The following RALYL variants were observed in gnomAD, a reference collection of about 807,000 sequenced individuals.
RALYL encodes the protein RALY RNA binding protein like.
In RALYL, 29 loss-of-function variants were observed where a neutral mutation model predicts 35.1. That is an observed-to-expected ratio of 0.83 (90% CI 0.61 to 1.13). The LOEUF (loss-of-function observed/expected upper bound fraction) is 1.13, where lower values mean the gene tolerates loss of function less well. RALYL is among the 50% of genes most tolerant of loss of function. The probability of loss-of-function intolerance (pLI) is 0.00; values close to 1 mark genes in which losing one functional copy is unlikely to be tolerated. For missense variants in RALYL, 359 were observed against 360.4 expected, an observed-to-expected ratio of 1.00 and a Z score of 0.03; for synonymous variants, 120 against 127.6, an observed-to-expected ratio of 0.94 and a Z score of 0.40.
chr8:84,424,222 C>T (rs1188868804), intron 1 of RALYL, among the ~76,000 whole-genome samples: 2 of 149,482 alleles, frequency 1.3e-5, no homozygotes, highest in South Asian at 2.1e-4. Flanking sequence ...CACATAGTCC[C>T]ATATTTCTTG....
chr8:84,466,397 T>C (rs1411313674), intron 1 of RALYL, among the ~76,000 whole-genome samples: 1 of 148,350 alleles, frequency 6.7e-6, no homozygotes, highest in East Asian at 2.0e-4. Context: ...TCTATTGAGA[T>C]AATCATGTGG....
intron 1 of RALYL, among the ~76,000 whole-genome samples, chr8:84,426,452 G>GTGTGTGTC (rs2046459616): frequency 6.6e-6 from 1 of 150,444 alleles, no homozygotes; most frequent in African/African-American, 2.4e-5. Context: ...GTGTGTGTGT[G>GTGTGTGTC]TGTGTGTGTG....
chr8:84,730,191 CA>C (rs1845874990), intron 2 of RALYL, among the ~76,000 whole-genome samples: 1 of 152,022 alleles, frequency 6.6e-6, no homozygotes, highest in Admixed American at 6.6e-5. Context: ...CCACCATGAT[CA>C]AGTGGGCTTC....
At chr8:84,532,335 C>T (rs1172498395) in intron 2 of RALYL, among the ~76,000 whole-genome samples, 1 of 151,986 alleles carries the variant, frequency 6.6e-6, no homozygotes, top group African/African-American at 2.4e-5. Flanking sequence ...AGAAGACCCT[C>T]AGTTTGTAGG....
intron 2 of RALYL, among the ~76,000 whole-genome samples, chr8:84,656,361 G>A (rs1829955376): frequency 6.6e-6 from 1 of 151,998 alleles, no homozygotes; most frequent in Non-Finnish European, 1.5e-5. Flanking sequence ...TCTTGAAATA[G>A]GGTTTTCTAC....
chr8:84,438,584 G>A (rs1433391745), intron 1 of RALYL, among the ~76,000 whole-genome samples: 1 of 151,806 alleles, frequency 6.6e-6, no homozygotes. Context: ...TTGAGCCGAG[G>A]TTTTGCCATG....
At chr8:84,606,740 G>A (rs147787583) in intron 2 of RALYL, among the ~76,000 whole-genome samples, 2 of 152,126 alleles carry the variant, frequency 1.3e-5, no homozygotes, top group Non-Finnish European at 2.9e-5. Flanking sequence ...CAATTAGTAG[G>A]TGTAGTCTTG....
At chr8:84,490,528 A>C (rs1189822107) in intron 1 of RALYL, among the ~76,000 whole-genome samples, 1 of 152,012 alleles carries the variant, frequency 6.6e-6, no homozygotes, top group Non-Finnish European at 1.5e-5. Context: ...TTAAATAAGA[A>C]CATAGAGTCA....
chr8:84,323,547 G>A (rs79386292), intron 1 of RALYL, among the ~76,000 whole-genome samples: 5,543 of 152,048 alleles, frequency 0.036, 131 homozygotes, highest in East Asian at 0.13. Context: ...TCATTTCTTG[G>A]TCTAGAGCTG....
chr8:84,393,489 T>C (rs570639354), intron 1 of RALYL, among the ~76,000 whole-genome samples: 1 of 152,186 alleles, frequency 6.6e-6, no homozygotes, highest in African/African-American at 2.4e-5. Context: ...TCAATGACGC[T>C]ATGTACTGTT....
At chr8:84,242,030 T>A (rs1402104965) in intron 1 of RALYL, among the ~76,000 whole-genome samples, 10 of 152,070 alleles carry the variant, frequency 6.6e-5, no homozygotes, top group Non-Finnish European at 4.4e-5. Context: ...CAGGCCCTAG[T>A]GTGTGTTGTT....
At chr8:84,564,873 C>G (rs1364700505) in intron 2 of RALYL, among the ~76,000 whole-genome samples, 1 of 151,472 alleles carries the variant, frequency 6.6e-6, no homozygotes, top group Non-Finnish European at 1.5e-5. Flanking sequence ...TATAAAGATT[C>G]ATATAAAATA....
chr8:84,514,090 TAAA>T lies in RALYL; in HGVS notation c.-23-15186_-23-15184del, dbSNP rs57881021. The stretch of plus-strand genomic sequence containing the variant: ...GCCTGGGTGACAGTGAGATTTCATC[TAAA>T]AAAAAAAAAAAAAAAAAAAAAAGAA... On this transcript the variant is annotated intron_variant, in intron 1 of 8. Coordinates refer to ENST00000521268, the MANE Select transcript of RALYL (RefSeq NM_173848.7). 5.0e-3 allele frequency among the ~76,000 whole-genome samples: 205 copies of T among 41,140 alleles called. 1 individual carries two copies. The highest frequency in any genetic ancestry group is 0.015 in the African/African-American group (199 of 12,850). 27.0% of individuals were successfully genotyped at this position (41,140 alleles called of 152,430 possible). A position where few individuals can be genotyped will look rare whatever the true frequency, so the allele number is the denominator to read the frequency against.
rs932033436 is a variant in RALYL, at chr8:84,366,254, T to C, written c.-23-163045T>C. On this transcript the variant is annotated intron_variant, in intron 1 of 8. Transcript: ENST00000521268. ...AAATGACTAATGAGCACTAACGCCA[T>C]TAAAACGTTGTATGACCTAAGAGGG... Among the ~76,000 whole-genome samples the C allele has an allele frequency of 2.0e-5, 3 of 152,164 alleles. No homozygotes were observed. In the East Asian group the frequency reaches 5.8e-4, roughly 29 times the overall value.
At chr8:84,885,211 T>A (rs920136425) in intron 7 of RALYL, among the ~76,000 whole-genome samples, 5 of 152,036 alleles carry the variant, frequency 3.3e-5, no homozygotes, top group African/African-American at 1.2e-4. Context: ...AACCTAGAAA[T>A]CTTCAGTAAG....
intron 2 of RALYL, among the ~76,000 whole-genome samples, chr8:84,721,643 G>A (rs908571631): frequency 2.6e-5 from 4 of 151,984 alleles, no homozygotes; most frequent in Non-Finnish European, 4.4e-5. Flanking sequence ...CCACAGATTT[G>A]TAGCCATTAA....
chr8:84,869,969 C>T (rs1839897806), intron 6 of RALYL, among the ~76,000 whole-genome samples: 2 of 152,014 alleles, frequency 1.3e-5, no homozygotes, highest in South Asian at 4.1e-4. Context: ...AATCAATGAA[C>T]TCTATAGAGA....
At chr8:84,673,880 T>C (rs940843274) in intron 2 of RALYL, among the ~76,000 whole-genome samples, 7 of 152,206 alleles carry the variant, frequency 4.6e-5, no homozygotes, top group African/African-American at 1.7e-4. Context: ...TAGTTTCATA[T>C]GGATTTTAAA....
At chr8:84,598,371 TAGA>T (rs1189110134) in intron 2 of RALYL, among the ~76,000 whole-genome samples, 4 of 152,078 alleles carry the variant, frequency 2.6e-5, no homozygotes, top group African/African-American at 9.7e-5. Context: ...CTCATTTCTG[TAGA>T]AGGAGTATTG....
Sources: gnomAD v4.1 joint callset for allele counts (sites outside exome capture counted in the v4.1 genomes callset) on GRCh38, gnomAD v4.1.1 for gene constraint, MANE v1.5 for transcripts, NCBI Gene and HGNC (gene_info 2026-07-23, HGNC 2026-07-21) for gene names.